UNC13C: variants seen among roughly 807,000 people sequenced by gnomAD.
The protein encoded by UNC13C is unc-13 homolog C.
UNC13C carries 174 observed loss-of-function variants against 245.4 expected under a neutral mutation model. The observed-to-expected ratio is 0.71, with a 90% CI of 0.63 to 0.80. The LOEUF (loss-of-function observed/expected upper bound fraction) is 0.80. UNC13C is among the 30% of genes least tolerant of loss of function. The pLI, the probability that UNC13C is intolerant of heterozygous loss-of-function variation, is 0.00. For synonymous variants in UNC13C, 992 were observed against 895.1 expected (o/e 1.11, Z -1.93); for missense variants, 2,829 against 2,602.9 (o/e 1.09, Z -1.89).
chr15:54,481,660 C>A (rs1488950498), intron 19 of UNC13C, among the ~76,000 whole-genome samples: 2 of 151,860 alleles, frequency 1.3e-5, no homozygotes, highest in Non-Finnish European at 2.9e-5. Context: ...GTTTATGGGA[C>A]AAGGATGGGC....
At chr15:54,308,441 A>G (rs34432386) in intron 13 of UNC13C, among the ~76,000 whole-genome samples, 10,973 of 151,966 alleles carry the variant, frequency 0.072, 474 homozygotes, top group East Asian at 0.12. Context: ...AAGTATATAT[A>G]CATTGTAAAA....
chr15:54,320,859 A>G (rs2038136309), intron 13 of UNC13C: 3 of 322,948 alleles, frequency 9.3e-6, no homozygotes, highest in South Asian at 8.3e-5. Context: ...TCTACCCTTC[A>G]TTCATCCAAA....
chr15:54,162,707 T>G (rs764451925), intron 4 of UNC13C, among the ~76,000 whole-genome samples: 7 of 152,212 alleles, frequency 4.6e-5, no homozygotes, highest in Non-Finnish European at 1.0e-4. Flanking sequence ...CAATACAAAC[T>G]ACTTTATACT....
chr15:54,070,348 A>C (rs1898261655), intron 2 of UNC13C, among the ~76,000 whole-genome samples: 1 of 152,170 alleles, frequency 6.6e-6, no homozygotes, highest in Non-Finnish European at 1.5e-5. Context: ...AAGATATGAA[A>C]AGATAACTGA....
At chr15:54,207,650 G>C (rs1429607162) in intron 4 of UNC13C, among the ~76,000 whole-genome samples, 1 of 152,056 alleles carries the variant, frequency 6.6e-6, no homozygotes, top group Non-Finnish European at 1.5e-5. Context: ...AGATAATTTT[G>C]ATTAGATATT....
chr15:54,294,146 G>GTAAAAA, intron 11 of UNC13C, 82 bp downstream of exon 11: 1 of 1,244,918 alleles, frequency 8.0e-7, no homozygotes. Flanking sequence ...TCCCATATAA[G>GTAAAAA]TAAAAATAAC....
At chr15:54,200,992 C>G (rs2034503941) in intron 4 of UNC13C, among the ~76,000 whole-genome samples, 1 of 151,964 alleles carries the variant, frequency 6.6e-6, no homozygotes, top group Non-Finnish European at 1.5e-5. Flanking sequence ...GATATTATAA[C>G]TGATACCACA....
chr15:54,476,908 A>G (rs1892778009), intron 19 of UNC13C, among the ~76,000 whole-genome samples: 1 of 150,592 alleles, frequency 6.6e-6, no homozygotes, highest in South Asian at 2.1e-4. Context: ...CAGTACGGCC[A>G]TTTTCATGAT....
chr15:54,204,646 A>G (rs912601284), intron 4 of UNC13C, among the ~76,000 whole-genome samples: 2 of 152,030 alleles, frequency 1.3e-5, no homozygotes, highest in Non-Finnish European at 2.9e-5. Context: ...CAAAGCAAAA[A>G]TAGCTAAAAT....
intron 16 of UNC13C, among the ~76,000 whole-genome samples, chr15:54,334,555 C>T (rs1417719744): frequency 2.0e-5 from 3 of 151,958 alleles, no homozygotes; most frequent in Non-Finnish European, 4.4e-5. Context: ...TGCATTTGCC[C>T]ATAATTTTTT....
chr15:54,514,540 G>T (rs554485033), intron 24 of UNC13C, among the ~76,000 whole-genome samples: 2 of 152,322 alleles, frequency 1.3e-5, no homozygotes, highest in Admixed American at 1.3e-4. Context: ...GCTCAAAATG[G>T]TTTTTAATGC....
chr15:54,600,293 A>G (rs1321219354), intron 30 of UNC13C, among the ~76,000 whole-genome samples: 1 of 152,108 alleles, frequency 6.6e-6, no homozygotes, highest in African/African-American at 2.4e-5. Flanking sequence ...TCTAGGGAAC[A>G]CTGTGTAGAA....
chr15:54,094,056 C>T (rs1306988852), intron 2 of UNC13C, among the ~76,000 whole-genome samples: 4 of 151,810 alleles, frequency 2.6e-5, no homozygotes, highest in Admixed American at 2.6e-4. Context: ...AGACAGGCTT[C>T]CCACGGGCTA....
At chr15:54,497,669 C>T (rs1424426262) in intron 20 of UNC13C, among the ~76,000 whole-genome samples, 1 of 152,066 alleles carries the variant, frequency 6.6e-6, no homozygotes, top group Non-Finnish European at 1.5e-5. Context: ...CAAGGCTGGT[C>T]CCCTTTGTGC....
At chr15:54,418,433 G>T (rs1246096103) in intron 19 of UNC13C, among the ~76,000 whole-genome samples, 1 of 152,102 alleles carries the variant, frequency 6.6e-6, no homozygotes. Flanking sequence ...GCAAGACCAA[G>T]GTGGACAGAT....
chr15:53,853,715 T>C, the UNC13C span, among the ~76,000 whole-genome samples: 2 of 152,200 alleles, frequency 1.3e-5, no homozygotes, highest in Non-Finnish European at 2.9e-5. Flanking sequence ...TATCTCATTG[T>C]GGTTTGATTT....
intron 2 of UNC13C, among the ~76,000 whole-genome samples, chr15:54,098,166 C>A (rs1035512804): frequency 1.3e-5 from 2 of 152,008 alleles, no homozygotes; most frequent in South Asian, 4.2e-4. Context: ...CCCTCTATAG[C>A]GTTTTTATTT....
At chr15:53,849,090 A>G in the UNC13C span, among the ~76,000 whole-genome samples, 1 of 151,516 alleles carries the variant, frequency 6.6e-6, no homozygotes, top group Non-Finnish European at 1.5e-5. Flanking sequence ...GAATTTATAT[A>G]TGTATTTTTA....
intron 2 of UNC13C, among the ~76,000 whole-genome samples, chr15:54,053,900 T>C (rs544002265): frequency 2.6e-5 from 4 of 152,214 alleles, no homozygotes; most frequent in Non-Finnish European, 5.9e-5. Flanking sequence ...AAGTTTGTTT[T>C]TCTGTGCCTG....
Sources: allele counts gnomAD v4.1 joint callset (sites outside exome capture counted in the v4.1 genomes callset), GRCh38; gene constraint gnomAD v4.1.1; transcripts MANE v1.5; gene names NCBI Gene and HGNC (gene_info 2026-07-23, HGNC 2026-07-21).